The following IL1RAPL1 variants were observed in gnomAD, a reference collection of about 807,000 sequenced individuals.
The protein encoded by IL1RAPL1 is interleukin-1 receptor accessory protein-like 1.
IL1RAPL1 carries 3 observed loss-of-function variants against 48.4 expected under a neutral mutation model. The observed-to-expected ratio is 0.06, with a 90% CI of 0.03 to 0.16. The LOEUF is 0.16. Among genes scored for constraint, IL1RAPL1 ranks in the 10% least tolerant of loss-of-function variants. IL1RAPL1 has a pLI of 1.00. For synonymous variants in IL1RAPL1, 185 were observed against 187.7 expected (o/e 0.99, Z 0.12); for missense variants, 349 against 530.6 (o/e 0.66, Z 3.36).
At chrX:29,802,940 TATGTATGC>T (rs1214065538) in intron 6 of IL1RAPL1, among the ~76,000 whole-genome samples, 1 of 94,874 alleles carries the variant, frequency 1.1e-5, no homozygotes, top group South Asian at 4.6e-4. Flanking sequence ...TATGTGTACA[TATGTATGC>T]ATATATGTAT....
chrX:28,886,649 C>T (rs780386411), intron 2 of IL1RAPL1, among the ~76,000 whole-genome samples: 1 of 110,305 alleles, frequency 9.1e-6, no homozygotes, highest in South Asian at 3.9e-4. Context: ...AATGGAAAAA[C>T]GTTTACCAAT....
intron 5 of IL1RAPL1, among the ~76,000 whole-genome samples, chrX:29,498,220 G>A (rs1302756935): frequency 9.0e-6 from 1 of 111,322 alleles, no homozygotes; most frequent in African/African-American, 3.3e-5. Context: ...GCCTCTTTTA[G>A]TCCCTCTCTA....
chrX:29,870,725 C>T (rs949906647), intron 6 of IL1RAPL1, among the ~76,000 whole-genome samples: 1 of 111,734 alleles, frequency 8.9e-6, no homozygotes, highest in African/African-American at 3.3e-5. Flanking sequence ...ATCTCAGACT[C>T]AAGACAGTTA....
chrX:28,846,090 C>A (rs1601928919), intron 2 of IL1RAPL1, among the ~76,000 whole-genome samples: 1 of 112,302 alleles, frequency 8.9e-6, no homozygotes, highest in Non-Finnish European at 1.9e-5. Context: ...ATCTTTCCAT[C>A]TGCCTAGCCC....
intron 1 of IL1RAPL1, among the ~76,000 whole-genome samples, chrX:28,597,679 C>T (rs370305177): frequency 4.5e-5 from 5 of 110,099 alleles, no homozygotes; most frequent in Non-Finnish European, 9.5e-5. Context: ...TGCAATGAGC[C>T]GAGATCACAC....
At chrX:28,945,585 A>ACT (rs757234410) in intron 2 of IL1RAPL1, among the ~76,000 whole-genome samples, 1 of 109,796 alleles carries the variant, frequency 9.1e-6, no homozygotes, top group Admixed American at 9.8e-5. Context: ...AGCAACACAC[A>ACT]CCAGGGCCAG....
chrX:28,860,659 A>T (rs1280529969), intron 2 of IL1RAPL1, among the ~76,000 whole-genome samples: 2 of 109,445 alleles, frequency 1.8e-5, no homozygotes, highest in Non-Finnish European at 3.8e-5. Flanking sequence ...GGGTTTCACC[A>T]TGTTGGCCAG....
chrX:29,501,497 G>T (rs1181685644), intron 5 of IL1RAPL1, among the ~76,000 whole-genome samples: 1 of 111,444 alleles, frequency 9.0e-6, no homozygotes, highest in African/African-American at 3.3e-5. Context: ...TATGGTGAGA[G>T]TTAGAAATCT....
chrX:29,355,099 G>T (rs949290757), intron 3 of IL1RAPL1, among the ~76,000 whole-genome samples: 1 of 111,996 alleles, frequency 8.9e-6, no homozygotes, highest in Admixed American at 9.5e-5. Flanking sequence ...TAAGACTCCA[G>T]TCTTCTTGGT....
chrX:28,883,621 T>G (rs1256104438), intron 2 of IL1RAPL1, among the ~76,000 whole-genome samples: 2 of 112,099 alleles, frequency 1.8e-5, no homozygotes, highest in Non-Finnish European at 3.8e-5. Flanking sequence ...CAAACCAACT[T>G]ACATTCTTTT....
chrX:28,713,215 A>G (rs1257086559), intron 1 of IL1RAPL1, among the ~76,000 whole-genome samples: 1 of 109,431 alleles, frequency 9.1e-6, no homozygotes, highest in Non-Finnish European at 1.9e-5. Flanking sequence ...CACCATGCCC[A>G]GCTAATTTTT....
chrX:29,638,295 G>C (rs1404588850), intron 5 of IL1RAPL1, among the ~76,000 whole-genome samples: 4 of 102,135 alleles, frequency 3.9e-5, no homozygotes, highest in Non-Finnish European at 6.0e-5. Context: ...TTTTGAGATG[G>C]AGTTTCACTC....
intron 5 of IL1RAPL1, among the ~76,000 whole-genome samples, chrX:29,648,821 T>C (rs748265996): frequency 1.4e-4 from 15 of 110,444 alleles, no homozygotes; most frequent in Non-Finnish European, 2.8e-4. Flanking sequence ...AGAAAAACAA[T>C]ACAAGAGATG....
chrX:29,084,368 G>T (rs991161476), intron 2 of IL1RAPL1, among the ~76,000 whole-genome samples: 1 of 111,559 alleles, frequency 9.0e-6, no homozygotes, highest in Non-Finnish European at 1.9e-5. Context: ...TGGTAAAATA[G>T]TTTATTAAAT....
intron 2 of IL1RAPL1, among the ~76,000 whole-genome samples, chrX:28,882,953 CAT>C (rs780299765): frequency 9.0e-6 from 1 of 111,012 alleles, no homozygotes; most frequent in Non-Finnish European, 1.9e-5. Context: ...ATAATAGAAA[CAT>C]AATATAAAAA....
intron 3 of IL1RAPL1, among the ~76,000 whole-genome samples, chrX:29,333,550 C>A (rs1277016892): frequency 2.0e-5 from 2 of 98,460 alleles, no homozygotes; most frequent in Non-Finnish European, 4.1e-5. Context: ...CCCCACCTCC[C>A]TCCAGGATGG....
intron 2 of IL1RAPL1, among the ~76,000 whole-genome samples, chrX:28,849,056 A>G (rs555294619): frequency 1.8e-5 from 2 of 109,513 alleles, no homozygotes; most frequent in African/African-American, 6.7e-5. Context: ...AAACTTTATC[A>G]TTTTGCATTT....
intron 1 of IL1RAPL1, among the ~76,000 whole-genome samples, chrX:28,717,305 T>C (rs1935515961): frequency 8.9e-6 from 1 of 112,182 alleles, no homozygotes; most frequent in South Asian, 3.7e-4. Context: ...TACCATTGAA[T>C]ACTATACAGC....
rs777084252 is a variant in IL1RAPL1 at position 28,907,045 on chromosome X, A to G, written c.82+117620A>G. Among the ~76,000 whole-genome samples, 8 of 110,990 alleles carry G rather than the reference A, an allele frequency of 7.2e-5. No individual in the cohort carries two copies. In the South Asian group the frequency reaches 3.0e-3, roughly 42 times the overall value. ...AAGTAACCAGGTTTTTTTTTTAACC[A>G]TTAAGTGTGATGTTAGCTGTAAATT... On this transcript the variant is annotated intron_variant, in intron 2 of 10. Coordinates refer to ENST00000378993, the MANE Select transcript of IL1RAPL1 (RefSeq NM_014271.4).
Sources: allele counts gnomAD v4.1 joint callset (sites outside exome capture counted in the v4.1 genomes callset), GRCh38; gene constraint gnomAD v4.1.1; transcripts MANE v1.5; gene names NCBI Gene and HGNC (gene_info 2026-07-23, HGNC 2026-07-21).